DCAF12: variants seen among roughly 807,000 people sequenced by gnomAD.
DCAF12 encodes DDB1 and CUL4 associated factor 12, also known as DDB1- and CUL4-associated factor 12.
DCAF12 carries 28 observed loss-of-function variants against 52.8 expected under a neutral mutation model. The observed-to-expected ratio is 0.53, with a 90% CI of 0.39 to 0.73. The LOEUF is 0.73. Among genes scored for constraint, DCAF12 ranks in the 30% least tolerant of loss-of-function variants. The pLI is 0.00. For missense variants in DCAF12, 425 were observed against 552.2 expected (o/e 0.77, Z 2.31); for synonymous variants, 196 against 215.5 (o/e 0.91, Z 0.79).
Position 34,110,397 on chromosome 9 carries a change from T to C in DCAF12, c.334-2832A>G, listed in dbSNP as rs750479632. On this transcript the variant is annotated intron_variant, in intron 2 of 8. Transcript: ENST00000361264. ...CCTAAATATTCTTACAGCTGACTCCTTCCTCTGCTTCCTCACTCATCACTT... is the reference window on the plus strand; with the variant it reads ...CCTAAATATTCTTACAGCTGACTCCCTCCTCTGCTTCCTCACTCATCACTT... Among the ~76,000 whole-genome samples the C allele has an allele frequency of 1.5e-4, 23 of 152,188 alleles. 1 individual carries two copies. The highest frequency in any genetic ancestry group is 2.5e-4 in the Non-Finnish European group (17 of 68,034).
intron 4 of DCAF12, among the ~76,000 whole-genome samples, chr9:34,102,599 G>C (rs1828846224): frequency 6.6e-6 from 1 of 151,220 alleles, no homozygotes; most frequent in Non-Finnish European, 1.5e-5. Context: ...GTTGCAGTGA[G>C]CCGAGATCAC....
Position 34,125,102 on chromosome 9 carries a change from T to G in DCAF12, c.254A>C (p.His85Pro). Residue 85 changes from histidine (H) to proline (P), a missense_variant, in exon 2 of 9, where the codon CAC becomes CCC. Coordinates refer to ENST00000361264, the MANE Select transcript of DCAF12 (RefSeq NM_015397.4). ...AAACACTTTATTAAGGGTCCCAAGG[T>G]GAAACTCTCTCTCCTTCAGGAGACT... is the stretch of plus-strand genomic sequence containing the variant. ...LPSLLKEREFHLGTLNKVFAS... is the reference protein window; with the variant it reads ...LPSLLKEREFPLGTLNKVFAS... The G allele has an allele frequency of 2.5e-6, 4 of 1,614,066 alleles. No individual in the cohort carries two copies. In the South Asian group the frequency reaches 4.4e-5, roughly 18 times the overall value.
chr9:34,097,182 T>C (rs892741524), intron 5 of DCAF12, among the ~76,000 whole-genome samples: 1 of 151,620 alleles, frequency 6.6e-6, no homozygotes, highest in African/African-American at 2.4e-5. Flanking sequence ...TTGAGGGAAC[T>C]ACCCTTCAAA....
chr9:34,105,507 G>C (rs1828890961), intron 4 of DCAF12, among the ~76,000 whole-genome samples: 2 of 152,032 alleles, frequency 1.3e-5, no homozygotes, highest in South Asian at 4.1e-4. Flanking sequence ...CTAGCTGGGT[G>C]TGAAGGTGTG....
intron 2 of DCAF12, among the ~76,000 whole-genome samples, chr9:34,114,146 T>C (rs548794625): frequency 4.8e-4 from 73 of 152,200 alleles, no homozygotes; most frequent in Non-Finnish European, 8.1e-4. Flanking sequence ...AATGCAATAC[T>C]GTTTAGCTAT....
Position 34,087,827 on chromosome 9 carries a change from T to G in DCAF12, c.*523A>C, listed in dbSNP as rs978027836. 1 of 152,150 alleles carries G rather than the reference T, an allele frequency of 6.6e-6. No individual in the cohort carries two copies. Among genetic ancestry groups the G allele is most frequent in the Non-Finnish European group, 1.5e-5 (1 of 68,030 alleles). The allele number at this position is 152,150 out of a possible 1,614,324, so 9.4% of individuals were successfully genotyped here. A position where few individuals can be genotyped will look rare whatever the true frequency, so the allele number is the denominator to read the frequency against. Reference sequence around the variant, plus strand: ...TTGTTTCTTTTATAAATATTTTAATTACAAGTAATCCTCACTCCAGGTAAT... The same window carrying G: ...TTGTTTCTTTTATAAATATTTTAATGACAAGTAATCCTCACTCCAGGTAAT... On this transcript the variant is annotated 3_prime_UTR_variant, in exon 9 of 9. Transcript: ENST00000361264.
chr9:34,117,986 T>C (rs559017119), intron 2 of DCAF12, among the ~76,000 whole-genome samples: 112 of 152,306 alleles, frequency 7.4e-4, no homozygotes, highest in African/African-American at 2.6e-3. Flanking sequence ...TGCTTTTATA[T>C]GTTTACAAAT....
Position 34,098,516 on chromosome 9 carries a change from G to A in DCAF12, c.603C>T (p.Gly201=), listed in dbSNP as rs1448443039. 6.2e-7 allele frequency: 1 copy of A among 1,612,032 alleles called. No individual in the cohort carries two copies. Among genetic ancestry groups the A allele is most frequent in the Non-Finnish European group, 8.5e-7 (1 of 1,178,954 alleles). The change falls in exon 5 of 9, where the codon GGC becomes GGT. Residue 201 remains glycine, a splice_region_variant and synonymous_variant. Coordinates refer to ENST00000361264, the MANE Select transcript of DCAF12 (RefSeq NM_015397.4). ...AGAGTCCCATAGAACCATCACGTGAGCCTGCAGGGCCAGGAGAACACAGAT... is the reference window on the plus strand; with the variant it reads ...AGAGTCCCATAGAACCATCACGTGAACCTGCAGGGCCAGGAGAACACAGAT... ...AWISDTMAVS[G]SRDGSMGLWE...
At chr9:34,091,324 T>TCAA (rs754998530) in intron 7 of DCAF12, among the ~76,000 whole-genome samples, 6 of 151,790 alleles carry the variant, frequency 4.0e-5, no homozygotes, top group African/African-American at 1.2e-4. Flanking sequence ...AAGACTCATC[T>TCAA]CAACAACAAC....
rs911289375 is a variant in DCAF12, at chr9:34,107,520, T to C, written c.379A>G (p.Ile127Val). ...CCTCCAGGCTCCCGGTCTTTCAGAA[T>C]GGGGATCTTGGTGATCTGGCTTGTC... ...VQTSQITKIPILKDREPGGVT... is the reference protein window; with the variant it reads ...VQTSQITKIPVLKDREPGGVT... The change falls in exon 3 of 9, where the codon ATT (isoleucine) becomes GTT (valine). Residue 127 changes from isoleucine to valine, a missense_variant. This residue lies in a region of DCAF12 where 328 missense variants were observed against 444.4 expected (regional missense o/e 0.74). Transcript: ENST00000361264. The C allele has an allele frequency of 1.2e-6, 2 of 1,614,162 alleles. No homozygotes were observed. The highest frequency in any genetic ancestry group is 1.7e-5 in the Admixed American group (1 of 59,996).
intron 2 of DCAF12, among the ~76,000 whole-genome samples, chr9:34,122,079 G>C (rs1829183382): frequency 6.6e-6 from 1 of 152,014 alleles, no homozygotes. Context: ...GTTTTCCAAG[G>C]TTCTCTCCTT....
At chr9:34,089,694 T>TCC in intron 7 of DCAF12, 104 bp from the exon 8 acceptor site, 1 of 1,122,916 alleles carries the variant, frequency 8.9e-7, no homozygotes, top group Non-Finnish European at 1.2e-6. Flanking sequence ...TCCACCCTGC[T>TCC]CCCCTCCACC....
chr9:34,122,471 C>T, intron 2 of DCAF12, among the ~76,000 whole-genome samples: 1 of 141,860 alleles, frequency 7.0e-6, no homozygotes, highest in African/African-American at 2.6e-5. Context: ...ACATTAGTAT[C>T]AATTTTTTTT....
chr9:34,119,227 C>T (rs866173558), intron 2 of DCAF12, among the ~76,000 whole-genome samples: 14 of 152,126 alleles, frequency 9.2e-5, no homozygotes, highest in African/African-American at 2.7e-4. Flanking sequence ...GATAAGAAAA[C>T]GCAAGGTTCA....
chr9:34,093,719 A>C (rs747171106), intron 6 of DCAF12: 2 of 357,990 alleles, frequency 5.6e-6, no homozygotes, highest in Non-Finnish European at 1.1e-5. Context: ...GGAAAGGCCA[A>C]GGCCTTTCTT....
chr9:34,090,410 A>T (rs1325877006), intron 7 of DCAF12, among the ~76,000 whole-genome samples: 1 of 152,102 alleles, frequency 6.6e-6, no homozygotes, highest in Non-Finnish European at 1.5e-5. Context: ...AGTGGCAAAA[A>T]GCCCAGAACT....
At position 34,088,691 on chromosome 9, in the gene DCAF12, G is replaced by A. The variant is rs370434786; in HGVS notation, c.1204-183C>T. Among the ~76,000 whole-genome samples, 4 of 152,282 alleles carry A rather than the reference G, an allele frequency of 2.6e-5. No individual in the cohort carries two copies. In the East Asian group the frequency reaches 5.8e-4, roughly 22 times the overall value. ...CAGGGCCTCATTTTTCCAACTAAAC[G>A]TTAGAGAAGAACGGAGCAGCTGAAG... On this transcript the variant is annotated intron_variant, in intron 8 of 8. Coordinates refer to ENST00000361264, the MANE Select transcript of DCAF12 (RefSeq NM_015397.4).
chr9:34,092,511 C>T (rs1016702480), intron 7 of DCAF12, among the ~76,000 whole-genome samples: 1 of 152,120 alleles, frequency 6.6e-6, no homozygotes, highest in African/African-American at 2.4e-5. Flanking sequence ...CATGGTGAAA[C>T]CCCGTCTCTA....
rs182009926 is a variant in DCAF12, at chr9:34,100,635, C to T, written c.602-2118G>A. Among the ~76,000 whole-genome samples, 7 of 151,702 alleles carry T rather than the reference C, an allele frequency of 4.6e-5. No homozygotes were observed. In the East Asian group the frequency reaches 1.2e-3, roughly 25 times the overall value. On this transcript the variant is annotated intron_variant, in intron 4 of 8. Coordinates refer to ENST00000361264, the MANE Select transcript of DCAF12 (RefSeq NM_015397.4). ...TCAGCCTCCTGAGTAGCTGTGACTA[C>T]AGGCACACCCTACCACACCTGGCTA...
Sources: allele counts gnomAD v4.1 joint callset (sites outside exome capture counted in the v4.1 genomes callset), GRCh38; gene constraint gnomAD v4.1.1; regional missense constraint gnomAD v4.1.1; transcripts MANE v1.5; gene names NCBI Gene and HGNC (gene_info 2026-07-23, HGNC 2026-07-21).